The following HPSE2 variants were observed in gnomAD, a reference collection of about 807,000 sequenced individuals.
HPSE2 encodes heparanase 2 (inactive).
Under a neutral mutation model 60.5 loss-of-function variants are expected in HPSE2, and 38 were observed. That is an observed-to-expected ratio of 0.63 (90% CI 0.48 to 0.82). HPSE2 has a LOEUF of 0.82. Among genes scored for constraint, HPSE2 ranks in the 40% least tolerant of loss-of-function variants. The probability of loss-of-function intolerance (pLI) is 0.00; values close to 1 mark genes in which losing one functional copy is unlikely to be tolerated. For missense variants in HPSE2, 713 were observed against 740.4 expected, an observed-to-expected ratio of 0.96 and a Z score of 0.43; for synonymous variants, 295 against 293.2, an observed-to-expected ratio of 1.01 and a Z score of -0.06.
intron 3 of HPSE2, among the ~76,000 whole-genome samples, chr10:98,986,111 G>C (rs534011154): frequency 1.4e-4 from 21 of 152,198 alleles, no homozygotes; most frequent in African/African-American, 4.3e-4. Flanking sequence ...AGAATATCCA[G>C]GAATTGAATT....
At chr10:98,814,575 G>A (rs952071371) in intron 3 of HPSE2, among the ~76,000 whole-genome samples, 2 of 152,130 alleles carry the variant, frequency 1.3e-5, no homozygotes, top group Non-Finnish European at 2.9e-5. Flanking sequence ...CCAACGAAAG[G>A]AAAAGGCAAC....
At chr10:98,704,293 G>A (rs1948487830) in intron 5 of HPSE2, among the ~76,000 whole-genome samples, 1 of 152,090 alleles carries the variant, frequency 6.6e-6, no homozygotes, top group African/African-American at 2.4e-5. Flanking sequence ...CCATCCTCAT[G>A]GATAGGAAGA....
intron 3 of HPSE2, among the ~76,000 whole-genome samples, chr10:99,074,226 C>T (rs1842889736): frequency 6.6e-6 from 1 of 152,002 alleles, no homozygotes; most frequent in Admixed American, 6.6e-5. Context: ...AGGTAATGTC[C>T]TTCTTTTCCC....
intron 10 of HPSE2, among the ~76,000 whole-genome samples, chr10:98,487,947 A>G (rs1408067831): frequency 6.6e-6 from 1 of 152,214 alleles, no homozygotes; most frequent in Non-Finnish European, 1.5e-5. Context: ...CCGTGCATTC[A>G]CTGTGGGTTT....
intron 1 of HPSE2, 70 bp downstream of exon 1, chr10:99,235,443 G>C: frequency 7.4e-7 from 1 of 1,355,496 alleles, no homozygotes; most frequent in Non-Finnish European, 1.1e-6. Context: ...CCTTTGGAAT[G>C]GGGGATAGGA....
Position 98,477,210 on chromosome 10 carries a change from GA to G in HPSE2, c.1613+5425del, listed in dbSNP as rs985980268. Among the ~76,000 whole-genome samples, 40 of 152,210 alleles carry G rather than the reference GA, an allele frequency of 2.6e-4. 1 individual carries two copies. Among genetic ancestry groups the G allele is most frequent in the Admixed American group, 2.6e-3 (40 of 15,288 alleles). Reference sequence around the variant, plus strand: ...TTCTATATGCTTCATGGTTCTGTCAGAAGGTTAAATGAGATAATGGCTATTA... The same window carrying G: ...TTCTATATGCTTCATGGTTCTGTCAGAGGTTAAATGAGATAATGGCTATTA... On this transcript the variant is annotated intron_variant, in intron 11 of 11. Transcript: ENST00000370552.
intron 3 of HPSE2, among the ~76,000 whole-genome samples, chr10:99,052,108 C>T (rs1958005066): frequency 1.3e-5 from 2 of 151,670 alleles, no homozygotes; most frequent in African/African-American, 4.8e-5. Context: ...AAACCCCAAA[C>T]TGACACAGAC....
chr10:99,202,349 C>T (rs575060655), intron 2 of HPSE2, among the ~76,000 whole-genome samples: 3 of 152,056 alleles, frequency 2.0e-5, no homozygotes, highest in Non-Finnish European at 4.4e-5. Context: ...TATAAGGATG[C>T]AAGTATTTCT....
At chr10:98,736,647 A>G (rs1949365114) in intron 4 of HPSE2, among the ~76,000 whole-genome samples, 1 of 152,220 alleles carries the variant, frequency 6.6e-6, no homozygotes, top group Admixed American at 6.5e-5. Flanking sequence ...TTCCTGATTC[A>G]GTTCTTCACT....
intron 3 of HPSE2, among the ~76,000 whole-genome samples, chr10:98,987,130 C>A (rs1472643561): frequency 1.3e-5 from 2 of 152,080 alleles, no homozygotes; most frequent in Non-Finnish European, 2.9e-5. Flanking sequence ...GGAATCCTCC[C>A]TAACTCATTT....
chr10:99,200,274 G>C (rs1285117266), intron 2 of HPSE2, among the ~76,000 whole-genome samples: 1 of 152,032 alleles, frequency 6.6e-6, no homozygotes, highest in Non-Finnish European at 1.5e-5. Flanking sequence ...TCTGCATGTA[G>C]CAAAGCGATA....
the HPSE2 span, among the ~76,000 whole-genome samples, chr10:99,295,177 G>C: frequency 6.6e-6 from 1 of 151,922 alleles, no homozygotes; most frequent in Non-Finnish European, 1.5e-5. Flanking sequence ...AGGTTTTCAT[G>C]TGTTGACTCA....
chr10:99,163,036 T>C (rs1246583700), intron 2 of HPSE2, among the ~76,000 whole-genome samples: 1 of 152,050 alleles, frequency 6.6e-6, no homozygotes, highest in East Asian at 1.9e-4. Context: ...GGTGAAACTC[T>C]GTCTCTACTA....
chr10:98,845,334 C>T (rs1165888840), intron 3 of HPSE2, among the ~76,000 whole-genome samples: 1 of 152,198 alleles, frequency 6.6e-6, no homozygotes, highest in African/African-American at 2.4e-5. Context: ...ATTAGTTTCT[C>T]AACTAGTTTA....
chr10:98,474,894 C>T (rs1468329455), intron 11 of HPSE2, among the ~76,000 whole-genome samples: 3 of 152,126 alleles, frequency 2.0e-5, no homozygotes, highest in African/African-American at 4.8e-5. Flanking sequence ...TTCTTCTGAG[C>T]TCCTTTAGGA....
intron 2 of HPSE2, among the ~76,000 whole-genome samples, chr10:99,164,227 TTATATATATATATATATATATATA>T (rs60497589): frequency 0.018 from 608 of 34,054 alleles, 15 homozygotes; most frequent in African/African-American, 0.041. Flanking sequence ...TATTCAAGCA[TTATATATATATATATATATATATA>T]TATATATATA....
At chr10:99,037,933 G>GA (rs1475340612) in intron 3 of HPSE2, among the ~76,000 whole-genome samples, 1 of 152,138 alleles carries the variant, frequency 6.6e-6, no homozygotes, top group East Asian at 1.9e-4. Flanking sequence ...ATAAGCACAT[G>GA]AAAAAATGTT....
intron 9 of HPSE2, among the ~76,000 whole-genome samples, chr10:98,608,010 C>T (rs1945642256): frequency 1.3e-5 from 2 of 152,088 alleles, no homozygotes; most frequent in Admixed American, 1.3e-4. Context: ...GTAAAAGATA[C>T]ATATTCATTG....
chr10:99,120,056 G>A (rs544862211), intron 3 of HPSE2, among the ~76,000 whole-genome samples: 6 of 152,192 alleles, frequency 3.9e-5, no homozygotes, highest in African/African-American at 4.8e-5. Context: ...TGACAAAGAC[G>A]CCAAAAGCAA....
Sources: allele counts gnomAD v4.1 joint callset (sites outside exome capture counted in the v4.1 genomes callset), GRCh38; gene constraint gnomAD v4.1.1; transcripts MANE v1.5; gene names NCBI Gene and HGNC (gene_info 2026-07-23, HGNC 2026-07-21).